HSD17B6: variants seen among roughly 807,000 people sequenced by gnomAD.
HSD17B6 encodes 17-beta-hydroxysteroid dehydrogenase type 6.
Under a neutral mutation model 26.4 loss-of-function variants are expected in HSD17B6, and 16 were observed. The ratio of observed to expected loss-of-function variants is 0.61; its 90% CI spans 0.41 to 0.92. The LOEUF is 0.92. HSD17B6 is among the 40% of genes least tolerant of loss of function. The probability of loss-of-function intolerance (pLI) is 0.00; values close to 1 mark genes in which losing one functional copy is unlikely to be tolerated. For synonymous variants in HSD17B6, 139 were observed against 153.0 expected (o/e 0.91, Z 0.68); for missense variants, 357 against 386.1 (o/e 0.92, Z 0.63).
rs370898544 is a variant in HSD17B6, at chr12:56,774,037, C to T, written c.185C>T (p.Thr62Met). The change falls in exon 2 of 5, where the codon ACG (threonine) becomes ATG (methionine). Residue 62 changes from threonine (T) to methionine (M), a missense_variant. By Grantham distance (81) the Thr-to-Met change is moderately conservative. Coordinates refer to ENST00000322165, the MANE Select transcript of HSD17B6 (RefSeq NM_003725.4). ...TTGAGAGTGCTGGCTGCGTGTCTGA[C>T]GGAGAAGGGGGCCGAGCAGCTGAGG... Reference protein sequence around the residue: ...RGLRVLAACLTEKGAEQLRGQ... With the variant: ...RGLRVLAACLMEKGAEQLRGQ... 43 of 1,613,928 alleles carry T rather than the reference C, an allele frequency of 2.7e-5. No homozygotes were observed. The highest frequency in any genetic ancestry group is 2.1e-4 in the African/African-American group (16 of 74,878).
intron 1 of HSD17B6, among the ~76,000 whole-genome samples, chr12:56,765,481 C>T (rs1262129388): frequency 2.0e-5 from 3 of 151,982 alleles, no homozygotes; most frequent in Non-Finnish European, 4.4e-5. Context: ...AAAAACCAAT[C>T]CTTTTTTTTC....
rs144300966 is a variant in HSD17B6 at position 56,781,837 on chromosome 12, T to C, written c.314-137T>C. On this transcript the variant is annotated intron_variant, in intron 2 of 4. Coordinates refer to ENST00000322165, the MANE Select transcript of HSD17B6 (RefSeq NM_003725.4). Reference sequence around the variant, plus strand: ...TTATATTTAGCAAACTTGTATGTTATATCATTTGGGCTGCAAACTCTCATG... The same window carrying C: ...TTATATTTAGCAAACTTGTATGTTACATCATTTGGGCTGCAAACTCTCATG... 5.8e-5 allele frequency: 51 copies of C among 874,232 alleles called. No individual in the cohort carries two copies. The East Asian group carries it at 1.2e-3, about 21-fold the overall frequency. The allele number at this position is 874,232 out of a possible 1,614,324, so 54.2% of individuals were successfully genotyped here. A position where few individuals can be genotyped will look rare whatever the true frequency, so the allele number is the denominator to read the frequency against.
intron 2 of HSD17B6, among the ~76,000 whole-genome samples, chr12:56,776,180 C>T (rs542855630): frequency 6.6e-6 from 1 of 152,308 alleles, no homozygotes; most frequent in African/African-American, 2.4e-5. Context: ...CCCGCCTTGG[C>T]CTTCCAAAAT....
At chr12:56,763,626 T>C (rs1437233626) in intron 1 of HSD17B6, among the ~76,000 whole-genome samples, 1 of 152,026 alleles carries the variant, frequency 6.6e-6, no homozygotes, top group African/African-American at 2.4e-5. Flanking sequence ...CCCATGAAGT[T>C]TGGGAGAGTA....
intron 2 of HSD17B6, among the ~76,000 whole-genome samples, chr12:56,779,377 A>C (rs992845757): frequency 6.6e-6 from 1 of 152,144 alleles, no homozygotes; most frequent in African/African-American, 2.4e-5. Context: ...GTCTCAAGTG[A>C]TCTTAATGCC....
At chr12:56,765,021 C>T (rs564628346) in intron 1 of HSD17B6, among the ~76,000 whole-genome samples, 8 of 152,174 alleles carry the variant, frequency 5.3e-5, no homozygotes, top group South Asian at 2.1e-4. Context: ...GACGAGGTTT[C>T]GCTATGTTGG....
chr12:56,776,206 G>A (rs1488872273), intron 2 of HSD17B6, among the ~76,000 whole-genome samples: 2 of 152,000 alleles, frequency 1.3e-5, no homozygotes, highest in South Asian at 2.1e-4. Context: ...GATTACAGGC[G>A]TGAGCCATCG....
At chr12:56,784,704 C>T (rs868237864) in intron 3 of HSD17B6, 149 bp from the exon 4 acceptor site, 114 of 751,428 alleles carry the variant, frequency 1.5e-4, no homozygotes, top group Middle Eastern at 1.2e-3. Flanking sequence ...GAGAGGGAGA[C>T]GAGGGAGAGG....
At chr12:56,772,922 T>C (rs901603095) in intron 1 of HSD17B6, among the ~76,000 whole-genome samples, 5 of 152,104 alleles carry the variant, frequency 3.3e-5, no homozygotes, top group Non-Finnish European at 5.9e-5. Flanking sequence ...TTGCATAGAC[T>C]AGCCTCATGC....
In HSD17B6 at chr12:56,764,390, TA is replaced by T. The variant is rs140181386; in HGVS notation, c.-20+978del. 3.5e-3 allele frequency among the ~76,000 whole-genome samples: 533 copies of T among 152,276 alleles called. 5 individuals carry two copies. The highest frequency in any genetic ancestry group is 0.012 in the African/African-American group (509 of 41,558). On this transcript the variant is annotated intron_variant, in intron 1 of 4. Transcript: ENST00000322165. ...GTCCTCGCTTGAGACAGAAGGAAGT[TA>T]AGGTGCACGAGCATGGCCCAAAATA...
rs764447697 is a variant in HSD17B6 at position 56,784,855 on chromosome 12, G to A, written c.575G>A (p.Arg192His). Residue 192 changes from arginine to histidine, a missense_variant and splice_region_variant, in exon 4 of 5, where the codon CGT (arginine) becomes CAT (histidine). Physicochemically the swap from Arg to His is conservative, Grantham distance 29 (BLOSUM62 0). Coordinates refer to ENST00000322165, the MANE Select transcript of HSD17B6 (RefSeq NM_003725.4). ...GVEAFSDILRREIQHFGVKIS... is the reference protein window; with the variant it reads ...GVEAFSDILRHEIQHFGVKIS... ...TAACTTGTGGGGTTTTATTTCAGGC[G>A]TGAGATTCAACATTTTGGGGTGAAA... is the stretch of plus-strand genomic sequence containing the variant. The A allele has an allele frequency of 4.3e-5, 69 of 1,612,722 alleles. No homozygotes were observed. The highest frequency in any genetic ancestry group is 3.4e-4 in the Admixed American group (20 of 59,606).
At position 56,779,008 on chromosome 12, in the gene HSD17B6, A is replaced by G. The variant is rs554586777; in HGVS notation, c.314-2966A>G. Among the ~76,000 whole-genome samples, 3 of 151,668 alleles carry G rather than the reference A, an allele frequency of 2.0e-5. No individual in the cohort carries two copies. The East Asian group carries it at 5.8e-4, about 29-fold the overall frequency. On this transcript the variant is annotated intron_variant, in intron 2 of 4. Coordinates refer to ENST00000322165, the MANE Select transcript of HSD17B6 (RefSeq NM_003725.4). ...GTCTTTTTTAATCCTTATACTTTCA[A>G]CTTTTCTGTGTCTCTGTATTTTATG...
At chr12:56,781,585 C>T (rs149584686) in intron 2 of HSD17B6, among the ~76,000 whole-genome samples, 2,174 of 152,180 alleles carry the variant, frequency 0.014, 55 homozygotes, top group African/African-American at 0.049. Flanking sequence ...GGGTGGATCA[C>T]GAGGTCAAGA....
chr12:56,767,492 G>A (rs1274105284), intron 1 of HSD17B6, among the ~76,000 whole-genome samples: 4 of 150,230 alleles, frequency 2.7e-5, no homozygotes, highest in African/African-American at 7.3e-5. Flanking sequence ...ACTCCAGCCC[G>A]GGGACAGAGC....
chr12:56,781,236 G>T (rs184704848), intron 2 of HSD17B6, among the ~76,000 whole-genome samples: 5 of 152,068 alleles, frequency 3.3e-5, no homozygotes, highest in African/African-American at 1.2e-4. Context: ...TTAGACATAT[G>T]TTACATGTTT....
chr12:56,784,338 G>C (rs1318962230), intron 3 of HSD17B6, among the ~76,000 whole-genome samples: 2 of 152,192 alleles, frequency 1.3e-5, no homozygotes, highest in Non-Finnish European at 2.9e-5. Context: ...CTGGGAGGTG[G>C]AGGTTGTAGC....
At chr12:56,768,217 A>T (rs1315202178) in intron 1 of HSD17B6, among the ~76,000 whole-genome samples, 1 of 152,054 alleles carries the variant, frequency 6.6e-6, no homozygotes, top group Non-Finnish European at 1.5e-5. Flanking sequence ...AATGTGCTAA[A>T]TATTGCAGTG....
intron 1 of HSD17B6, among the ~76,000 whole-genome samples, chr12:56,767,629 ATATTATAT>A (rs1565915279): frequency 6.9e-6 from 1 of 144,516 alleles, no homozygotes; most frequent in Non-Finnish European, 1.5e-5. Context: ...TATAACATAT[ATATTATAT>A]TAATATATTA....
At chr12:56,783,928 T>C (rs1426825532) in intron 3 of HSD17B6, among the ~76,000 whole-genome samples, 1 of 144,840 alleles carries the variant, frequency 6.9e-6, no homozygotes, top group Non-Finnish European at 1.5e-5. Context: ...AACGGGGCGG[T>C]TGCCAGGCGG....
Sources: gnomAD v4.1 joint callset for allele counts (sites outside exome capture counted in the v4.1 genomes callset) on GRCh38, gnomAD v4.1.1 for gene constraint, MANE v1.5 for transcripts, NCBI Gene and HGNC (gene_info 2026-07-23, HGNC 2026-07-21) for gene names.